Variants in SERINC5 observed in about 807,000 individuals in gnomAD.
SERINC5 encodes serine incorporator 5, also known as chromosome 5 open reading frame 12.
In SERINC5, 41 loss-of-function variants were observed where a neutral mutation model predicts 63.1. The observed-to-expected ratio is 0.65, with a 90% confidence interval of 0.51 to 0.84. SERINC5 has a LOEUF of 0.84. Among genes scored for constraint, SERINC5 ranks in the 40% least tolerant of loss-of-function variants. The pLI is 0.00. For synonymous variants in SERINC5, 222 were observed against 215.2 expected (o/e 1.03, Z -0.28); for missense variants, 523 against 573.0 (o/e 0.91, Z 0.89).
intron 1 of SERINC5, among the ~76,000 whole-genome samples, chr5:80,229,341 ATTTTTTTTTTTT>A: frequency 8.3e-6 from 1 of 120,226 alleles, no homozygotes. Context: ...TACTTACACA[ATTTTTTTTTTTT>A]TTTTTTTTGC....
intron 1 of SERINC5, among the ~76,000 whole-genome samples, chr5:80,215,232 C>CAT (rs1354260191): frequency 2.6e-5 from 4 of 152,078 alleles, no homozygotes; most frequent in African/African-American, 9.7e-5. Context: ...AGTGTGTTCT[C>CAT]ATGAGATCTG....
intron 1 of SERINC5, among the ~76,000 whole-genome samples, chr5:80,242,176 G>A (rs547239408): frequency 6.6e-6 from 1 of 152,104 alleles, no homozygotes; most frequent in South Asian, 2.1e-4. Flanking sequence ...AAAAGGCAAA[G>A]ATTGTCAGAT....
chr5:80,227,057 G>A (rs139465589), intron 1 of SERINC5, among the ~76,000 whole-genome samples: 40 of 152,022 alleles, frequency 2.6e-4, no homozygotes, highest in African/African-American at 8.7e-4. Context: ...CACCACGCCC[G>A]GCTAATTTTT....
In SERINC5 at chr5:80,187,381, C is replaced by T. The variant is rs1468191817; in HGVS notation, c.196-9317G>A. 2.0e-5 allele frequency among the ~76,000 whole-genome samples: 3 copies of T among 152,134 alleles called. No homozygotes were observed. The East Asian group carries it at 5.8e-4, about 29-fold the overall frequency. Reference sequence around the variant, plus strand: ...TAGAATGTCTCCCAGTCTGCCTTTCCCTTTTCTGATATTCCACTCATCTTC... The same window carrying T: ...TAGAATGTCTCCCAGTCTGCCTTTCTCTTTTCTGATATTCCACTCATCTTC... On this transcript the variant is annotated intron_variant, in intron 2 of 11. Transcript: ENST00000507668.
chr5:80,198,634 G>A lies in SERINC5; in HGVS notation c.195+4252C>T, dbSNP rs144735040. ...CACTTCCACGGCCAACAAAGAGGGGGTAAGGACTCCAGCAGGAGCCCAGTG... is the reference window on the plus strand; with the variant it reads ...CACTTCCACGGCCAACAAAGAGGGGATAAGGACTCCAGCAGGAGCCCAGTG... On this transcript the variant is annotated intron_variant, in intron 2 of 11. Transcript: ENST00000507668. 12 of 985,406 alleles carry A rather than the reference G, an allele frequency of 1.2e-5. No homozygotes were observed. In the East Asian group the frequency reaches 6.8e-4, roughly 56 times the overall value. The allele number at this position is 985,406 out of a possible 1,614,324, so 61.0% of individuals were successfully genotyped here.
chr5:80,171,093 C>A (rs1369075741), intron 5 of SERINC5, among the ~76,000 whole-genome samples: 1 of 152,022 alleles, frequency 6.6e-6, no homozygotes, highest in African/African-American at 2.4e-5. Context: ...TCATTGCAAC[C>A]CCCGCCTCCC....
chr5:80,152,281 G>C (rs542481831), intron 8 of SERINC5, among the ~76,000 whole-genome samples: 13 of 152,064 alleles, frequency 8.5e-5, no homozygotes, highest in African/African-American at 2.7e-4. Flanking sequence ...CAGGTAGATC[G>C]CTTGAGCCCA....
chr5:80,252,638 G>A (rs1252481882), intron 1 of SERINC5, among the ~76,000 whole-genome samples: 2 of 152,164 alleles, frequency 1.3e-5, no homozygotes, highest in Admixed American at 6.5e-5. Flanking sequence ...GATGGGTAAT[G>A]GCCACTAATA....
chr5:80,256,014 G>A lies in SERINC5; in HGVS notation c.-92C>T, dbSNP rs1202192630. The stretch of plus-strand genomic sequence containing the variant: ...CGCGCCTCGAGCGCTGGGCTCAGCC[G>A]CAGCTCACACTTGAACGAAGATCAG... On this transcript the variant is annotated 5_prime_UTR_variant, in exon 1 of 12. Coordinates refer to ENST00000507668, the MANE Select transcript of SERINC5 (RefSeq NM_001174072.3). 8.6e-6 allele frequency: 11 copies of A among 1,285,610 alleles called. No homozygotes were observed. Among genetic ancestry groups the A allele is most frequent in the Middle Eastern group, 2.5e-4 (1 of 4,016 alleles). 79.6% of individuals were successfully genotyped at this position (1,285,610 alleles called of 1,614,324 possible). A position where few individuals can be genotyped will look rare whatever the true frequency, so the allele number is the denominator to read the frequency against.
chr5:80,163,167 AT>A (rs1293733827), intron 7 of SERINC5, among the ~76,000 whole-genome samples: 3 of 152,036 alleles, frequency 2.0e-5, no homozygotes, highest in Non-Finnish European at 4.4e-5. Flanking sequence ...AACACTACTA[AT>A]TTTTGTATGT....
At chr5:80,147,351 A>C in intron 9 of SERINC5, 67 bp from the exon 10 acceptor site, 1 of 1,507,410 alleles carries the variant, frequency 6.6e-7, no homozygotes, top group Non-Finnish European at 9.1e-7. Flanking sequence ...GCAAGACAAC[A>C]GTAACCCTTA....
rs1335498777 is a variant in SERINC5, at chr5:80,178,044, C to G, written c.216G>C (p.Met72Ile). ...MKEHIPFFEDMCKGIKAGDTC... is the reference protein window; with the variant it reads ...MKEHIPFFEDICKGIKAGDTC... The stretch of plus-strand genomic sequence containing the variant: ...TGTCACCAGCTTTAATGCCTTTACA[C>G]ATATCTTCAAAAAAAGGAATCTGAG... Residue 72 changes from methionine (M) to isoleucine (I), a missense_variant, in exon 3 of 12, where the codon ATG becomes ATC. Coordinates refer to ENST00000507668, the MANE Select transcript of SERINC5 (RefSeq NM_001174072.3). The G allele has an allele frequency of 6.3e-7, 1 of 1,598,172 alleles. No individual in the cohort carries two copies. The highest frequency in any genetic ancestry group is 1.8e-5 in the Admixed American group (1 of 55,576).
chr5:80,205,682 T>C (rs1337861149), intron 1 of SERINC5, among the ~76,000 whole-genome samples: 1 of 152,174 alleles, frequency 6.6e-6, no homozygotes, highest in Non-Finnish European at 1.5e-5. Context: ...AGGATGGTGA[T>C]TAAAAGCTCA....
At chr5:80,179,723 G>A (rs1351371715) in intron 2 of SERINC5, among the ~76,000 whole-genome samples, 2 of 152,242 alleles carry the variant, frequency 1.3e-5, no homozygotes, top group Non-Finnish European at 1.5e-5. Flanking sequence ...GAATGCTTCA[G>A]TGAGCATTGC....
chr5:80,142,607 T>A lies in SERINC5; in HGVS notation c.*1056A>T, dbSNP rs1042354935. On this transcript the variant is annotated 3_prime_UTR_variant, in exon 12 of 12. Coordinates refer to ENST00000507668, the MANE Select transcript of SERINC5 (RefSeq NM_001174072.3). ...CACATTAGCAAACCTACTCCAAGGA[T>A]GCCAGCATGAACCTGAACGGTATGG... 2.0e-6 allele frequency: 2 copies of A among 985,286 alleles called. No homozygotes were observed. The highest frequency in any genetic ancestry group is 1.2e-4 in the Admixed American group (2 of 16,254). The allele number at this position is 985,286 out of a possible 1,614,324, so 61.0% of individuals were successfully genotyped here.
intron 1 of SERINC5, among the ~76,000 whole-genome samples, chr5:80,227,976 C>T (rs1751244009): frequency 1.3e-5 from 2 of 151,228 alleles, no homozygotes; most frequent in East Asian, 1.9e-4. Flanking sequence ...AATCCCAGCA[C>T]TTTGAGAGGC....
chr5:80,175,685 A>G (rs1049872644), intron 4 of SERINC5, among the ~76,000 whole-genome samples: 5 of 151,492 alleles, frequency 3.3e-5, no homozygotes, highest in South Asian at 2.1e-4. Context: ...CCTGGCCTAC[A>G]TGGTGAAACC....
At chr5:80,184,240 C>T (rs1331530165) in intron 2 of SERINC5, among the ~76,000 whole-genome samples, 1 of 152,050 alleles carries the variant, frequency 6.6e-6, no homozygotes, top group Non-Finnish European at 1.5e-5. Flanking sequence ...TATTTTCTTC[C>T]CCACCTTCTC....
In SERINC5 at chr5:80,117,784, C is replaced by A. The variant is rs568404850; in HGVS notation, c.1239-4159G>T. ...AAAGGATCTAGGGGGTGATCTATTACTTACTTCTTCCAGCTTTGGGTGGCT... is the reference window on the plus strand; with the variant it reads ...AAAGGATCTAGGGGGTGATCTATTAATTACTTCTTCCAGCTTTGGGTGGCT... On this transcript the variant is annotated intron_variant, in intron 11 of 12. Coordinates refer to the SERINC5 transcript ENST00000509193. Among the ~76,000 whole-genome samples, 12 of 152,058 alleles carry A rather than the reference C, an allele frequency of 7.9e-5. No homozygotes were observed. In the South Asian group the frequency reaches 2.5e-3, roughly 32 times the overall value.
Sources: allele counts gnomAD v4.1 joint callset (sites outside exome capture counted in the v4.1 genomes callset), GRCh38; gene constraint gnomAD v4.1.1; transcripts MANE v1.5; gene names NCBI Gene and HGNC (gene_info 2026-07-23, HGNC 2026-07-21).